PTPRS: variants seen among roughly 807,000 people sequenced by gnomAD.
PTPRS encodes receptor-type tyrosine-protein phosphatase S.
In PTPRS, 63 loss-of-function variants were observed where a neutral mutation model predicts 215.3. That is an observed-to-expected ratio of 0.29 (90% CI 0.24 to 0.36). The LOEUF (loss-of-function observed/expected upper bound fraction) is 0.36, where lower values mean the gene tolerates loss of function less well. PTPRS is among the 10% of genes least tolerant of loss of function. The pLI is 1.00. For missense variants in PTPRS, 2,258 were observed against 2,825.8 expected (o/e 0.80, Z 4.56); for synonymous variants, 1,404 against 1,191.4 (o/e 1.18, Z -3.68).
chr19:5,259,566 G>T (rs571035931), intron 7 of PTPRS, among the ~76,000 whole-genome samples: 1 of 152,202 alleles, frequency 6.6e-6, no homozygotes, highest in East Asian at 1.9e-4. Flanking sequence ...TGTAATCACA[G>T]GCCTGGATCA....
intron 6 of PTPRS, among the ~76,000 whole-genome samples, chr19:5,262,740 C>T (rs1435829124): frequency 6.6e-6 from 1 of 152,158 alleles, no homozygotes; most frequent in African/African-American, 2.4e-5. Flanking sequence ...GTCTCTTTTC[C>T]TCTTTTCCTT....
In PTPRS at chr19:5,221,194, C is replaced by A. The variant is rs781565996; in HGVS notation, c.3261G>T (p.Thr1087=). ...VDGRTTKKLI[T]HLKPHTFYNF... ...TGTAGAAGGTGTGGGGCTTGAGGTG[C>A]GTGATGAGCTTCTTGGTGGTACGGC... Residue 1087 remains threonine (T), a synonymous_variant, in exon 20 of 38, where the codon ACG becomes ACT. Transcript: ENST00000262963. 49 of 1,613,862 alleles carry A rather than the reference C, an allele frequency of 3.0e-5. No homozygotes were observed. Among genetic ancestry groups the A allele is most frequent in the Non-Finnish European group, 4.0e-5 (47 of 1,179,970 alleles).
rs2045695196 is a variant in PTPRS, at chr19:5,257,928, C to CG, written c.706+88dup. The CG allele has an allele frequency of 3.5e-6, 4 of 1,135,746 alleles. No individual in the cohort carries two copies. The East Asian group carries it at 7.4e-5, about 21-fold the overall frequency. The allele number at this position is 1,135,746 out of a possible 1,614,324, so 70.4% of individuals were successfully genotyped here. ...CCTTCCTGCTTGGGTGTGCAGGGGA[C>CG]GGGGGAGCCCGGAGGCGGTGAGCCC... On this transcript the variant is annotated intron_variant, in intron 8 of 37. Transcript: ENST00000262963. This position sits in a 1 kb window ranked among gnomAD's most constrained non-coding sequence, Gnocchi z 4.4.
At chr19:5,322,732 A>G (rs1004007008) in intron 1 of PTPRS, among the ~76,000 whole-genome samples, 8 of 151,854 alleles carry the variant, frequency 5.3e-5, no homozygotes, top group Non-Finnish European at 1.2e-4. Flanking sequence ...ATACAAAATT[A>G]GCCGGGCATG....
intron 1 of PTPRS, among the ~76,000 whole-genome samples, chr19:5,301,738 C>A (rs1236077126): frequency 1.3e-5 from 2 of 152,016 alleles, no homozygotes; most frequent in East Asian, 1.9e-4. Context: ...AGTCTCCCCC[C>A]AATCCTCCCC....
chr19:5,247,607 C>T (rs1418182831), intron 9 of PTPRS, among the ~76,000 whole-genome samples: 2 of 152,154 alleles, frequency 1.3e-5, no homozygotes, highest in African/African-American at 2.4e-5. Flanking sequence ...GCACAGATGA[C>T]GGACTGGAGG....
intron 1 of PTPRS, among the ~76,000 whole-genome samples, chr19:5,298,669 C>A (rs2049214351): frequency 6.6e-6 from 1 of 152,238 alleles, no homozygotes; most frequent in African/African-American, 2.4e-5. Flanking sequence ...GCCGGGTCTA[C>A]CCGCCAGCCG....
In PTPRS at chr19:5,332,130, A is replaced by T. The variant is rs917335876; in HGVS notation, c.-95+8534T>A. On this transcript the variant is annotated intron_variant, in intron 1 of 37. Transcript: ENST00000262963. Reference sequence around the variant, plus strand: ...AACCCAAGGATGTTAAAATAGGGCAATTTTTTTTTTTTTTTAGACAGAGTC... The same window carrying T: ...AACCCAAGGATGTTAAAATAGGGCATTTTTTTTTTTTTTTTAGACAGAGTC... 2.3e-3 allele frequency among the ~76,000 whole-genome samples: 340 copies of T among 145,202 alleles called. 3 individuals are homozygous for T. Among genetic ancestry groups the T allele is most frequent in the Non-Finnish European group, 2.9e-3 (190 of 65,746 alleles).
In PTPRS at chr19:5,257,578, C is replaced by T; in HGVS notation, c.706+439G>A. 4.8e-6 allele frequency: 2 copies of T among 420,614 alleles called. No homozygotes were observed. The highest frequency in any genetic ancestry group is 5.2e-5 in the Admixed American group (2 of 38,486). The allele number at this position is 420,614 out of a possible 1,614,324, so 26.1% of individuals were successfully genotyped here. On this transcript the variant is annotated intron_variant, in intron 8 of 37. Transcript: ENST00000262963. The surrounding 1 kb of genome is among the most constrained non-coding windows in gnomAD (Gnocchi z 4.4). The stretch of plus-strand genomic sequence containing the variant: ...AGTGAAGCGGGGAGCTACGAGGCCA[C>T]AAAGTTGGGAGAAGCAAAGCCAGCA...
Position 5,231,364 on chromosome 19 carries a change from CTGTG to C in PTPRS, c.2097_2100del (p.His699GlnfsTer110). On this transcript the variant is annotated frameshift_variant, in exon 14 of 38. Coordinates refer to ENST00000262963, the MANE Select transcript of PTPRS (RefSeq NM_002850.4). LOFTEE classifies it high-confidence loss of function. ...GAGCTCTCGGGCCCTGGTCCCACCT[CTGTG>C]TGAGCGACAGTCGTGATGCGGTACT... The C allele has an allele frequency of 6.2e-7, 1 of 1,612,800 alleles. No individual in the cohort carries two copies.
chr19:5,292,262 T>C (rs569319565), intron 1 of PTPRS, among the ~76,000 whole-genome samples: 62 of 152,302 alleles, frequency 4.1e-4, no homozygotes, highest in African/African-American at 1.4e-3. Flanking sequence ...CACCTGGGTT[T>C]CAGAGGTAGA....
chr19:5,222,464 G>T (rs576629298), intron 18 of PTPRS, among the ~76,000 whole-genome samples: 1 of 151,454 alleles, frequency 6.6e-6, no homozygotes, highest in Non-Finnish European at 1.5e-5. Flanking sequence ...GGAGGAAGAG[G>T]GGGGAGGGGA....
chr19:5,322,642 G>A (rs1191500170), intron 1 of PTPRS, among the ~76,000 whole-genome samples: 1 of 152,134 alleles, frequency 6.6e-6, no homozygotes, highest in Non-Finnish European at 1.5e-5. Flanking sequence ...CACTTTAGGA[G>A]GCTGAGGCGG....
intron 4 of PTPRS, among the ~76,000 whole-genome samples, chr19:5,272,595 CAAAAAA>C (rs10527451): frequency 1.6e-4 from 12 of 73,438 alleles, no homozygotes; most frequent in Non-Finnish European, 2.4e-4. Flanking sequence ...AAGACTGTCT[CAAAAAA>C]AAAAAAAAAA....
chr19:5,325,320 G>A (rs2050139475), intron 1 of PTPRS, among the ~76,000 whole-genome samples: 1 of 152,232 alleles, frequency 6.6e-6, no homozygotes, highest in Non-Finnish European at 1.5e-5. Context: ...ACTGAGAAAT[G>A]TTTTCTTTCC....
chr19:5,304,225 G>C (rs2147109370), intron 1 of PTPRS, among the ~76,000 whole-genome samples: 1 of 151,978 alleles, frequency 6.6e-6, no homozygotes, highest in Middle Eastern at 3.4e-3. Context: ...TAACACATTG[G>C]GAGGCCGAGG....
At chr19:5,281,699 G>A (rs912482338) in intron 2 of PTPRS, among the ~76,000 whole-genome samples, 1 of 152,176 alleles carries the variant, frequency 6.6e-6, no homozygotes, top group Non-Finnish European at 1.5e-5. Flanking sequence ...AAAAGTCACT[G>A]TGGCCGGGTC....
chr19:5,231,395 G>C lies in PTPRS; in HGVS notation c.2070C>G (p.Thr690=), dbSNP rs748432780. The change falls in exon 14 of 38, where the codon ACC becomes ACG. Residue 690 remains threonine (T), a synonymous_variant. Coordinates refer to ENST00000262963, the MANE Select transcript of PTPRS (RefSeq NM_002850.4). ...QILLEALEKW[T]QYRITTVAHT... ...GAGCGACAGTCGTGATGCGGTACTG[G>C]GTCCACTTCTCCAAGGCCTCCAGCA... is the stretch of plus-strand genomic sequence containing the variant. 1 of 1,613,120 alleles carries C rather than the reference G, an allele frequency of 6.2e-7. No individual in the cohort carries two copies. The highest frequency in any genetic ancestry group is 1.1e-5 in the South Asian group (1 of 91,064).
At chr19:5,282,420 G>GAGGGCGCCGA (rs1470636845) in intron 2 of PTPRS, among the ~76,000 whole-genome samples, 12 of 152,208 alleles carry the variant, frequency 7.9e-5, no homozygotes, top group African/African-American at 2.9e-4. Context: ...TCTGGGGCTT[G>GAGGGCGCCGA]AGGGCGCCGC....
Sources: gnomAD v4.1 joint callset for allele counts (sites outside exome capture counted in the v4.1 genomes callset) on GRCh38, gnomAD v4.1.1 for gene constraint, Gnocchi (gnomAD v3.1) non-coding constraint, MANE v1.5 for transcripts, NCBI Gene and HGNC (gene_info 2026-07-23, HGNC 2026-07-21) for gene names.